FOXK2: variants seen among roughly 807,000 people sequenced by gnomAD.
FOXK2 encodes the protein forkhead box K2, also known as forkhead box protein K2.
In FOXK2, 24 loss-of-function variants were observed where a neutral mutation model predicts 53.3. That is an observed-to-expected ratio of 0.45 (90% confidence interval 0.33 to 0.63). The LOEUF is 0.63. FOXK2 is among the 30% of genes least tolerant of loss of function. FOXK2 has a pLI of 0.03. For missense variants in FOXK2, 952 were observed against 910.5 expected, an observed-to-expected ratio of 1.05 and a Z score of -0.59; for synonymous variants, 505 against 407.1, an observed-to-expected ratio of 1.24 and a Z score of -2.89.
At chr17:82,560,443 A>G (rs981316177) in intron 1 of FOXK2, among the ~76,000 whole-genome samples, 2 of 152,026 alleles carry the variant, frequency 1.3e-5, no homozygotes, top group African/African-American at 4.8e-5. Flanking sequence ...GCTGTTATTT[A>G]AGGGAAGCGG....
intron 1 of FOXK2, among the ~76,000 whole-genome samples, chr17:82,531,448 G>A (rs2044471419): frequency 6.6e-6 from 1 of 152,116 alleles, no homozygotes; most frequent in Non-Finnish European, 1.5e-5. Context: ...TCACTTAACT[G>A]TGGAAATCAT....
At chr17:82,583,970 G>A (rs1356944307) in intron 5 of FOXK2, 43 bp from the exon 6 acceptor site, 1 of 1,537,744 alleles carries the variant, frequency 6.5e-7, no homozygotes, top group Non-Finnish European at 8.8e-7. Flanking sequence ...CTTTCTGAGT[G>A]CGTCAGCTGT....
intron 1 of FOXK2, among the ~76,000 whole-genome samples, chr17:82,539,272 G>A (rs2044551374): frequency 6.8e-6 from 1 of 146,334 alleles, no homozygotes; most frequent in Non-Finnish European, 1.5e-5. Flanking sequence ...AGCACTGTAA[G>A]GTGGCCGGGC....
rs983279469 is a variant in FOXK2 at position 82,603,813 on chromosome 17, T to C, written c.*2314T>C. On this transcript the variant is annotated 3_prime_UTR_variant, in exon 9 of 9. Transcript: ENST00000335255. The stretch of plus-strand genomic sequence containing the variant: ...CAGATGGAAGGTGCACACGCTCCTG[T>C]CTCCTCCTCACTCTGCCACGTTCAC... The C allele has an allele frequency of 6.6e-6, 1 of 151,590 alleles. No individual in the cohort carries two copies. The highest frequency in any genetic ancestry group is 2.4e-5 in the African/African-American group (1 of 41,224). 9.4% of individuals were successfully genotyped at this position (151,590 alleles called of 1,614,324 possible).
chr17:82,597,071 C>T (rs113283010), intron 8 of FOXK2, among the ~76,000 whole-genome samples: 1 of 152,306 alleles, frequency 6.6e-6, no homozygotes, highest in African/African-American at 2.4e-5. Context: ...GGGGCAGGGT[C>T]GCCTCCAGGC....
intron 1 of FOXK2, among the ~76,000 whole-genome samples, chr17:82,553,239 C>A (rs1169697668): frequency 6.6e-6 from 1 of 152,110 alleles, no homozygotes. Flanking sequence ...CCCAGCCAGA[C>A]TTGTTTTTTA....
intron 1 of FOXK2, among the ~76,000 whole-genome samples, chr17:82,529,606 G>A (rs2044453269): frequency 6.6e-6 from 1 of 152,000 alleles, no homozygotes; most frequent in Admixed American, 6.6e-5. Context: ...GGCTGATCTC[G>A]GACTCCTGAC....
chr17:82,529,428 C>G (rs1344934815), intron 1 of FOXK2, among the ~76,000 whole-genome samples: 1 of 147,816 alleles, frequency 6.8e-6, no homozygotes, highest in Non-Finnish European at 1.5e-5. Context: ...TCTGCTCTGT[C>G]GTCCAGGCTG....
At chr17:82,587,347 G>A (rs73371725) in intron 8 of FOXK2, 75 bp downstream of exon 8, 1 of 1,159,118 alleles carries the variant, frequency 8.6e-7, no homozygotes. Context: ...CGTGGTTTCG[G>A]TTCTGACTGT....
At position 82,551,308 on chromosome 17, in the gene FOXK2, C is replaced by T. The variant is rs2044674797; in HGVS notation, c.420-12046C>T. The stretch of plus-strand genomic sequence containing the variant: ...CTCCAGCCTGGGCGATAGAGCGAGA[C>T]TCCATCTCAAAAAAAAAAATTAAAA... On this transcript the variant is annotated intron_variant, in intron 1 of 8. Transcript: ENST00000335255. 2.3e-5 allele frequency among the ~76,000 whole-genome samples: 3 copies of T among 130,336 alleles called. No individual in the cohort carries two copies. The South Asian group carries it at 8.2e-4, about 35-fold the overall frequency. The allele number at this position is 130,336 out of a possible 152,430, so 85.5% of individuals were successfully genotyped here.
intron 4 of FOXK2, among the ~76,000 whole-genome samples, chr17:82,579,280 G>A (rs1006986101): frequency 6.6e-6 from 1 of 152,124 alleles, no homozygotes; most frequent in Admixed American, 6.5e-5. Context: ...GTCTTTGTCG[G>A]GGCACCAATA....
At chr17:82,534,769 G>C (rs529318256) in intron 1 of FOXK2, among the ~76,000 whole-genome samples, 206 of 152,336 alleles carry the variant, frequency 1.4e-3, no homozygotes, top group Admixed American at 3.2e-3. Flanking sequence ...CATGTCCCCA[G>C]AAGTAATATT....
chr17:82,587,989 G>A (rs778392969), intron 8 of FOXK2, among the ~76,000 whole-genome samples: 17 of 152,088 alleles, frequency 1.1e-4, no homozygotes, highest in Non-Finnish European at 1.5e-4. Flanking sequence ...CTGTGCCCAC[G>A]ACACGCTTTC....
At chr17:82,576,576 C>A in intron 4 of FOXK2, 7 of 819,070 alleles carry the variant, frequency 8.5e-6, no homozygotes, top group African/African-American at 1.7e-5. Flanking sequence ...CTGGTGACAT[C>A]CAGAATGTTC....
intron 8 of FOXK2, among the ~76,000 whole-genome samples, chr17:82,596,837 C>T (rs1048907862): frequency 1.3e-5 from 2 of 152,210 alleles, no homozygotes; most frequent in Admixed American, 1.3e-4. Flanking sequence ...ACCACCCCCT[C>T]CCCATCTTCT....
chr17:82,527,639 A>C, intron 1 of FOXK2, among the ~76,000 whole-genome samples: 1 of 152,150 alleles, frequency 6.6e-6, no homozygotes, highest in Non-Finnish European at 1.5e-5. Context: ...AAAACCGAAG[A>C]TATTCATTTG....
rs3794716 is a variant in FOXK2, at chr17:82,601,291, G to T, written c.1787-12G>T. On this transcript the variant is annotated splice_polypyrimidine_tract_variant and intron_variant, in intron 8 of 8. Coordinates refer to ENST00000335255, the MANE Select transcript of FOXK2 (RefSeq NM_004514.4). Reference sequence around the variant, plus strand: ...GAGAGCGTGGGGTTCTGACTCCCTCGTGTCATTTCAGCCGCGGCGAGTCCT... The same window carrying T: ...GAGAGCGTGGGGTTCTGACTCCCTCTTGTCATTTCAGCCGCGGCGAGTCCT... 5.0e-6 allele frequency: 8 copies of T among 1,606,382 alleles called. No individual in the cohort carries two copies. The highest frequency in any genetic ancestry group is 6.8e-6 in the Non-Finnish European group (8 of 1,176,330).
At chr17:82,536,077 C>T (rs9898569) in intron 1 of FOXK2, among the ~76,000 whole-genome samples, 25,657 of 151,810 alleles carry the variant, frequency 0.17, 2,718 homozygotes, top group East Asian at 0.39. Flanking sequence ...GGGGTTTCAC[C>T]GTGTTGGCCA....
chr17:82,581,478 GTTT>G (rs34849884), intron 4 of FOXK2, among the ~76,000 whole-genome samples: 1 of 134,104 alleles, frequency 7.5e-6, no homozygotes. Context: ...TTTTGTGTGG[GTTT>G]TTTTTTTTTT....
Sources: gnomAD v4.1 joint callset for allele counts (sites outside exome capture counted in the v4.1 genomes callset) on GRCh38, gnomAD v4.1.1 for gene constraint, MANE v1.5 for transcripts, NCBI Gene and HGNC (gene_info 2026-07-23, HGNC 2026-07-21) for gene names.